The following AGAP3 variants were observed in gnomAD, a reference collection of about 807,000 sequenced individuals.
AGAP3 encodes arf-GAP with GTPase, ANK repeat and PH domain-containing protein 3.
Under a neutral mutation model 96.9 loss-of-function variants are expected in AGAP3, and 24 were observed. The observed-to-expected ratio is 0.25, with a 90% CI of 0.18 to 0.35. AGAP3 has a LOEUF of 0.35. Ranked by LOEUF, AGAP3 falls within the 10% of genes least tolerant of loss-of-function variation. The pLI, the probability that AGAP3 is intolerant of heterozygous loss-of-function variation, is 1.00. For synonymous variants in AGAP3, 563 were observed against 536.1 expected, an observed-to-expected ratio of 1.05 and a Z score of -0.69; for missense variants, 876 against 1,254.2, an observed-to-expected ratio of 0.70 and a Z score of 4.55.
Position 151,114,965 on chromosome 7 carries a change from G to A in AGAP3, c.332-1828G>A. 8 of 982,592 alleles carry A rather than the reference G, an allele frequency of 8.1e-6. No individual in the cohort carries two copies. In the African/African-American group the frequency reaches 8.8e-5, roughly 11 times the overall value. 60.9% of individuals were successfully genotyped at this position (982,592 alleles called of 1,614,324 possible). ...CGCGGAGCGTGTGCTCGGGCGGCCC[G>A]GAGCCGCCGCCCACCGGCGCCCGCG... On this transcript the variant is annotated intron_variant, in intron 1 of 17. Transcript: ENST00000397238. The surrounding 1 kb of genome is among the most constrained non-coding windows in gnomAD (Gnocchi z 4.4).
At chr7:151,127,930 T>C (rs1800244517) in intron 9 of AGAP3, among the ~76,000 whole-genome samples, 1 of 152,168 alleles carries the variant, frequency 6.6e-6, no homozygotes, top group African/African-American at 2.4e-5. Context: ...GCAGGCTCCT[T>C]GTTGTGGCAC....
At chr7:151,109,376 T>C (rs538674975) in intron 1 of AGAP3, among the ~76,000 whole-genome samples, 133 of 152,178 alleles carry the variant, frequency 8.7e-4, no homozygotes, top group Non-Finnish European at 1.6e-3. Flanking sequence ...GTGTCACAGT[T>C]GTGGAGGCCA....
At chr7:151,097,662 A>T (rs868553741) in intron 1 of AGAP3, among the ~76,000 whole-genome samples, 1 of 152,078 alleles carries the variant, frequency 6.6e-6, no homozygotes, top group African/African-American at 2.4e-5. Flanking sequence ...CAAAGCAGGA[A>T]TAGGAAGTCA....
In AGAP3 at chr7:151,114,710, G is replaced by A. The variant is rs1295898169; in HGVS notation, c.332-2083G>A. Reference sequence around the variant, plus strand: ...GTCCGTGCGCCCCGGCCGCGGCCCCGGCCCGGGCCCAGCCCCGTGCCCCTC... The same window carrying A: ...GTCCGTGCGCCCCGGCCGCGGCCCCAGCCCGGGCCCAGCCCCGTGCCCCTC... On this transcript the variant is annotated intron_variant, in intron 1 of 17. Coordinates refer to ENST00000397238, the MANE Select transcript of AGAP3 (RefSeq NM_031946.7). The surrounding 1 kb of genome is among the most constrained non-coding windows in gnomAD (Gnocchi z 4.4). 7.0e-6 allele frequency: 7 copies of A among 998,840 alleles called. No individual in the cohort carries two copies. The South Asian group carries it at 1.4e-4, about 20-fold the overall frequency. The allele number at this position is 998,840 out of a possible 1,614,324, so 61.9% of individuals were successfully genotyped here. A position where few individuals can be genotyped will look rare whatever the true frequency, so the allele number is the denominator to read the frequency against.
At chr7:151,092,316 G>A (rs752805434) in intron 1 of AGAP3, among the ~76,000 whole-genome samples, 2 of 152,172 alleles carry the variant, frequency 1.3e-5, no homozygotes, top group East Asian at 1.9e-4. Flanking sequence ...AGACACCCCC[G>A]TAAGAACTCC....
Position 151,118,463 on chromosome 7 carries a change from C to G in AGAP3, c.842-42C>G, listed in dbSNP as rs745856282. ...GGGAGGTGCTAAGCCAGGCTTTTCC[C>G]TTCTCTCCAGTGGGTATAATTGACT... On this transcript the variant is annotated intron_variant, in intron 6 of 17. Coordinates refer to ENST00000397238, the MANE Select transcript of AGAP3 (RefSeq NM_031946.7). The surrounding 1 kb of genome is among the most constrained non-coding windows in gnomAD (Gnocchi z 6.1). 6 of 1,606,732 alleles carry G rather than the reference C, an allele frequency of 3.7e-6. No homozygotes were observed. Among genetic ancestry groups the G allele is most frequent in the African/African-American group, 2.7e-5 (2 of 74,826 alleles).
chr7:151,093,599 T>C (rs1204837508), intron 1 of AGAP3, among the ~76,000 whole-genome samples: 1 of 152,198 alleles, frequency 6.6e-6, no homozygotes, highest in Non-Finnish European at 1.5e-5. Context: ...TGTGCATCCT[T>C]CTGGTCTTTT....
At chr7:151,090,261 A>C (rs1798338597) in intron 1 of AGAP3, 1 of 150,472 alleles carries the variant, frequency 6.6e-6, no homozygotes, top group African/African-American at 2.5e-5. Context: ...CCCGCCTGGA[A>C]GTGGAAGTGG....
Position 151,108,192 on chromosome 7 carries a change from C to T in AGAP3, c.332-8601C>T, listed in dbSNP as rs1166416378. On this transcript the variant is annotated intron_variant, in intron 1 of 17. Coordinates refer to ENST00000397238, the MANE Select transcript of AGAP3 (RefSeq NM_031946.7). This position sits in a 1 kb window ranked among gnomAD's most constrained non-coding sequence, Gnocchi z 4.2. ...CCAGATGGGGGACATGCTAAGGGAC[C>T]GAGTCTTCGAGGGGAGGGCCTTTGT... 2.6e-5 allele frequency among the ~76,000 whole-genome samples: 4 copies of T among 152,142 alleles called. No individual in the cohort carries two copies. Among genetic ancestry groups the T allele is most frequent in the East Asian group, 1.9e-4 (1 of 5,184 alleles).
intron 8 of AGAP3, chr7:151,123,526 T>G: frequency 7.8e-7 from 1 of 1,275,142 alleles, no homozygotes; most frequent in South Asian, 2.1e-5. Context: ...CCGGGCGTGC[T>G]CCTCGCGCCC....
In AGAP3 at chr7:151,096,614, A is replaced by G. The variant is rs1798614431; in HGVS notation, c.331+9542A>G. ...CAGCCTCCCGAGTAGCTGGGACTACAGGTGCCCACCACCACGCCCGGCTTA... is the reference window on the plus strand; with the variant it reads ...CAGCCTCCCGAGTAGCTGGGACTACGGGTGCCCACCACCACGCCCGGCTTA... On this transcript the variant is annotated intron_variant, in intron 1 of 17. Coordinates refer to ENST00000397238, the MANE Select transcript of AGAP3 (RefSeq NM_031946.7). This position sits in a 1 kb window ranked among gnomAD's most constrained non-coding sequence, Gnocchi z 4.4. Among the ~76,000 whole-genome samples, 1 of 150,806 alleles carries G rather than the reference A, an allele frequency of 6.6e-6. No individual in the cohort carries two copies. The highest frequency in any genetic ancestry group is 6.6e-5 in the Admixed American group (1 of 15,128).
In AGAP3 at chr7:151,104,143, G is replaced by A. The variant is rs77076228; in HGVS notation, c.332-12650G>A. Reference sequence around the variant, plus strand: ...CAACTGTTCACCTGATGGTTTTAGCGTCCATCAATGATCTTTGCCTGAGTT... The same window carrying A: ...CAACTGTTCACCTGATGGTTTTAGCATCCATCAATGATCTTTGCCTGAGTT... On this transcript the variant is annotated intron_variant, in intron 1 of 17. Transcript: ENST00000397238. 1.8e-4 allele frequency among the ~76,000 whole-genome samples: 28 copies of A among 152,294 alleles called. No individual in the cohort carries two copies. The East Asian group carries it at 3.1e-3, about 17-fold the overall frequency.
At chr7:151,087,160 T>C (rs764991101) in intron 1 of AGAP3, 88 bp downstream of exon 1, 1 of 1,405,730 alleles carries the variant, frequency 7.1e-7, no homozygotes, top group Non-Finnish European at 9.8e-7. Flanking sequence ...CTGGCCATGC[T>C]CTCCCTGTCG....
intron 9 of AGAP3, among the ~76,000 whole-genome samples, chr7:151,127,963 C>G (rs767740856): frequency 6.6e-6 from 1 of 152,208 alleles, no homozygotes; most frequent in Non-Finnish European, 1.5e-5. Context: ...TTCTAGCCAT[C>G]CAGCCTCTGC....
At position 151,093,437 on chromosome 7, in the gene AGAP3, G is replaced by C. The variant is rs1054446899; in HGVS notation, c.331+6365G>C. ...ATTACAGGCATGAGCCACCACGTCC[G>C]TGCCCAAATATGTATTTAATTTAAA... is the stretch of plus-strand genomic sequence containing the variant. On this transcript the variant is annotated intron_variant, in intron 1 of 17. Coordinates refer to ENST00000397238, the MANE Select transcript of AGAP3 (RefSeq NM_031946.7). Among the ~76,000 whole-genome samples the C allele has an allele frequency of 2.6e-5, 4 of 152,300 alleles. No individual in the cohort carries two copies. The East Asian group carries it at 7.7e-4, about 29-fold the overall frequency.
At position 151,118,478 on chromosome 7, in the gene AGAP3, T is replaced by A. The variant is rs1799705296; in HGVS notation, c.842-27T>A. The A allele has an allele frequency of 1.2e-6, 2 of 1,613,238 alleles. No homozygotes were observed. Among genetic ancestry groups the A allele is most frequent in the Non-Finnish European group, 1.7e-6 (2 of 1,179,478 alleles). The stretch of plus-strand genomic sequence containing the variant: ...AGGCTTTTCCCTTCTCTCCAGTGGG[T>A]ATAATTGACTCTGCTGTCCCCTGCA... On this transcript the variant is annotated intron_variant, in intron 6 of 17. Coordinates refer to ENST00000397238, the MANE Select transcript of AGAP3 (RefSeq NM_031946.7). The surrounding 1 kb of genome is among the most constrained non-coding windows in gnomAD (Gnocchi z 6.1).
At position 151,117,202 on chromosome 7, in the gene AGAP3, C is replaced by T. The variant is rs1585073910; in HGVS notation, c.478+20C>T. The T allele has an allele frequency of 6.2e-7, 1 of 1,608,378 alleles. No individual in the cohort carries two copies. Among genetic ancestry groups the T allele is most frequent in the South Asian group, 1.1e-5 (1 of 90,710 alleles). On this transcript the variant is annotated intron_variant, in intron 3 of 17. Coordinates refer to ENST00000397238, the MANE Select transcript of AGAP3 (RefSeq NM_031946.7). Reference sequence around the variant, plus strand: ...CTGAAGGTGAGCGTCACAGGCCCAGCCTGGGCCCTGAGGCCGGCCACTCCT... The same window carrying T: ...CTGAAGGTGAGCGTCACAGGCCCAGTCTGGGCCCTGAGGCCGGCCACTCCT...
At chr7:151,128,709 T>TG (rs1391761805) in intron 10 of AGAP3, 25 bp downstream of exon 10, 2 of 1,505,218 alleles carry the variant, frequency 1.3e-6, no homozygotes, top group African/African-American at 2.8e-5. Flanking sequence ...AGGAGCCTCC[T>TG]GGGGGAGTAT....
chr7:151,121,352 G>A (rs6975877), intron 8 of AGAP3, among the ~76,000 whole-genome samples: 200 of 151,724 alleles, frequency 1.3e-3, no homozygotes, highest in African/African-American at 4.7e-3. Flanking sequence ...GGGGGGGGCC[G>A]CCTGCTCGAG....
Sources: allele counts gnomAD v4.1 joint callset (sites outside exome capture counted in the v4.1 genomes callset), GRCh38; gene constraint gnomAD v4.1.1; non-coding constraint Gnocchi (gnomAD v3.1); transcripts MANE v1.5; gene names NCBI Gene and HGNC (gene_info 2026-07-23, HGNC 2026-07-21).